Variants in ZNF780B observed in about 807,000 individuals in gnomAD.
The protein encoded by ZNF780B is zinc finger protein 779.
ZNF780B carries 52 observed loss-of-function variants against 74.1 expected under a neutral mutation model. That is an observed-to-expected ratio of 0.70 (90% CI 0.56 to 0.88). ZNF780B has a LOEUF of 0.88. Among genes scored for constraint, ZNF780B ranks in the 40% least tolerant of loss-of-function variants. The pLI, the probability that ZNF780B is intolerant of heterozygous loss-of-function variation, is 0.00. For synonymous variants in ZNF780B, 315 were observed against 324.3 expected, an observed-to-expected ratio of 0.97 and a Z score of 0.31; for missense variants, 953 against 1,007.6, an observed-to-expected ratio of 0.95 and a Z score of 0.73.
rs776575039 is a variant in ZNF780B at position 40,035,475 on chromosome 19, G to C, written c.1384C>G (p.Gln462Glu). The change falls in exon 5 of 5, where the codon CAA becomes GAA. Residue 462 changes from glutamine (Q) to glutamate (E), a missense_variant. Transcript: ENST00000434248. ...MAFRYHYQLI[Q>E]HCQIHTGGKP... is the part of the protein sequence containing the mutation. ...CCACCAGTATGAATTTGGCAATGTT[G>C]AATAAGTTGGTAATGATATCGAAAG... is the stretch of plus-strand genomic sequence containing the variant. 15 of 1,613,860 alleles carry C rather than the reference G, an allele frequency of 9.3e-6. No homozygotes were observed. In the African/African-American group the frequency reaches 9.4e-5, roughly 10 times the overall value.
intron 1 of ZNF780B, among the ~76,000 whole-genome samples, chr19:40,051,067 G>A (rs1456375937): frequency 6.6e-6 from 1 of 152,122 alleles, no homozygotes; most frequent in African/African-American, 2.4e-5. Flanking sequence ...AAGACTAATA[G>A]ACATCAATAC....
chr19:40,049,768 G>A (rs1973123464), intron 2 of ZNF780B, among the ~76,000 whole-genome samples: 1 of 152,324 alleles, frequency 6.6e-6, no homozygotes, highest in East Asian at 1.9e-4. Flanking sequence ...CAAGGACTGA[G>A]TTAAGCACAG....
At chr19:40,037,564 T>A (rs1972398813) in intron 4 of ZNF780B, among the ~76,000 whole-genome samples, 1 of 152,172 alleles carries the variant, frequency 6.6e-6, no homozygotes, top group Admixed American at 6.5e-5. Flanking sequence ...GTGGGAGCCA[T>A]CACACCCAGC....
rs1689673148 is a variant in ZNF780B, at chr19:40,031,709, C to T, written c.*2648G>A. On this transcript the variant is annotated 3_prime_UTR_variant, in exon 5 of 5. Coordinates refer to ENST00000434248, the MANE Select transcript of ZNF780B (RefSeq NM_001005851.3). ...GTTTTGTACTGAGTACAGTGTCAGC[C>T]ATATCACACAAGTTGAATTATGTTG... The T allele has an allele frequency of 1.9e-5, 4 of 214,428 alleles. No individual in the cohort carries two copies. The South Asian group carries it at 3.0e-4, about 16-fold the overall frequency. 13.3% of individuals were successfully genotyped at this position (214,428 alleles called of 1,614,324 possible).
In ZNF780B at chr19:40,035,553, G is replaced by T. The variant is rs763277889; in HGVS notation, c.1306C>A (p.Gln436Lys). Residue 436 changes from glutamine to lysine, a missense_variant, in exon 5 of 5, where the codon CAA (glutamine) becomes AAA (lysine). By Grantham distance (53) the Gln-to-Lys change is moderately conservative. Coordinates refer to ENST00000434248, the MANE Select transcript of ZNF780B (RefSeq NM_001005851.3). ...FNRGANLIQH[Q>K]KIHSNEKPFV... ...GGTTTCTCATTGGAATGAATTTTTTGATGCTGAATAAGATTTGCACCACGA... is the reference window on the plus strand; with the variant it reads ...GGTTTCTCATTGGAATGAATTTTTTTATGCTGAATAAGATTTGCACCACGA... 161 of 1,611,448 alleles carry T rather than the reference G, an allele frequency of 1.0e-4. No individual in the cohort carries two copies. The highest frequency in any genetic ancestry group is 1.3e-4 in the Non-Finnish European group (158 of 1,179,310).
intron 1 of ZNF780B, 27 bp from the exon 2 acceptor site, chr19:40,050,404 C>A: frequency 5.2e-6 from 8 of 1,552,048 alleles, no homozygotes; most frequent in Non-Finnish European, 7.0e-6. Flanking sequence ...ACAAAAAGGC[C>A]CTAAGTCAAG....
In ZNF780B at chr19:40,036,062, T is replaced by C; in HGVS notation, c.797A>G (p.Gln266Arg). 1 of 1,613,504 alleles carries C rather than the reference T, an allele frequency of 6.2e-7. No homozygotes were observed. The highest frequency in any genetic ancestry group is 8.5e-7 in the Non-Finnish European group (1 of 1,179,688). The change falls in exon 5 of 5, where the codon CAG becomes CGG. Residue 266 changes from glutamine (Q) to arginine (R), a missense_variant. Gln to Arg is a conservative substitution (Grantham distance 43, BLOSUM62 1). Coordinates refer to ENST00000434248, the MANE Select transcript of ZNF780B (RefSeq NM_001005851.3). ...TACACCAGCATGAATACTTTGATGC[T>C]GAGTAAGGTTTGAGCTACGATTAAA... ...KSFNRSSNLT[Q>R]HQSIHAGVKP...
chr19:40,042,428 C>T (rs1039362698), intron 4 of ZNF780B, among the ~76,000 whole-genome samples: 1 of 152,114 alleles, frequency 6.6e-6, no homozygotes, highest in African/African-American at 2.4e-5. Context: ...CTCTGTATTT[C>T]CTGAATCTGA....
At chr19:40,042,694 C>T (rs1390669768) in intron 4 of ZNF780B, among the ~76,000 whole-genome samples, 1 of 152,202 alleles carries the variant, frequency 6.6e-6, no homozygotes, top group African/African-American at 2.4e-5. Flanking sequence ...TTGATCGCAT[C>T]AGCTCCTGAG....
intron 4 of ZNF780B, among the ~76,000 whole-genome samples, chr19:40,037,900 A>G (rs1307334801): frequency 6.9e-6 from 1 of 144,952 alleles, no homozygotes; most frequent in African/African-American, 2.5e-5. Context: ...CTGTTTATAT[A>G]TATATATTTT....
intron 1 of ZNF780B, among the ~76,000 whole-genome samples, chr19:40,054,582 A>C (rs1196617516): frequency 6.6e-6 from 1 of 152,216 alleles, no homozygotes. Flanking sequence ...CTTACTATGC[A>C]AGCAGCAATC....
chr19:40,047,489 A>G lies in ZNF780B; in HGVS notation c.137-19T>C. ...GAACTTCCTGCTTAAAAGAAATAAC[A>G]CATGTAGAATTTTTTTAATATAAAA... On this transcript the variant is annotated intron_variant, in intron 3 of 4. Transcript: ENST00000434248. 1 of 1,555,452 alleles carries G rather than the reference A, an allele frequency of 6.4e-7. No homozygotes were observed. The highest frequency in any genetic ancestry group is 1.2e-5 in the South Asian group (1 of 81,290).
intron 4 of ZNF780B, among the ~76,000 whole-genome samples, chr19:40,038,906 T>C (rs1170347806): frequency 6.6e-6 from 1 of 151,438 alleles, no homozygotes. Flanking sequence ...GCAGAAGCTC[T>C]TTAGTTTAAT....
chr19:40,047,355 C>T lies in ZNF780B; in HGVS notation c.232+20G>A. Reference sequence around the variant, plus strand: ...CCGGGACAATGATGGCTTCCCCCTGCCTGCTTTACTCTCACTTACCTGGAT... The same window carrying T: ...CCGGGACAATGATGGCTTCCCCCTGTCTGCTTTACTCTCACTTACCTGGAT... On this transcript the variant is annotated intron_variant, in intron 4 of 4. Transcript: ENST00000434248. 6.3e-7 allele frequency: 1 copy of T among 1,592,772 alleles called. No individual in the cohort carries two copies. Among genetic ancestry groups the T allele is most frequent in the Non-Finnish European group, 8.6e-7 (1 of 1,160,972 alleles).
At chr19:40,047,594 A>T (rs1420204760) in intron 3 of ZNF780B, 124 bp from the exon 4 acceptor site, 1 of 571,196 alleles carries the variant, frequency 1.8e-6, no homozygotes, top group African/African-American at 1.9e-5. Flanking sequence ...ACTCCAGATA[A>T]GAGAGGATTG....
In ZNF780B at chr19:40,043,051, T is replaced by C. The variant is rs576230752; in HGVS notation, c.232+4324A>G. 7.8e-3 allele frequency among the ~76,000 whole-genome samples: 1,192 copies of C among 152,332 alleles called. 6 individuals carry two copies. The highest frequency in any genetic ancestry group is 0.012 in the Non-Finnish European group (793 of 68,030). ...TGTGGTTTTATCTACTTTTGGTCTT[T>C]GATGATGGTGACGTACAGATGGGTT... On this transcript the variant is annotated intron_variant, in intron 4 of 4. Coordinates refer to ENST00000434248, the MANE Select transcript of ZNF780B (RefSeq NM_001005851.3).
intron 4 of ZNF780B, among the ~76,000 whole-genome samples, chr19:40,039,502 C>A (rs1182488754): frequency 4.6e-5 from 7 of 151,728 alleles, no homozygotes; most frequent in African/African-American, 1.7e-4. Context: ...TTACCTTGGG[C>A]AGTATGGCCA....
chr19:40,036,843 G>C (rs1972352658), intron 4 of ZNF780B, among the ~76,000 whole-genome samples: 1 of 151,836 alleles, frequency 6.6e-6, no homozygotes, highest in South Asian at 2.1e-4. Flanking sequence ...AAACCATTTG[G>C]TAAGATTAAA....
chr19:40,036,250 T>C lies in ZNF780B; in HGVS notation c.609A>G (p.Gln203=), dbSNP rs1972304965. The change falls in exon 5 of 5, where the codon CAA becomes CAG. Residue 203 remains glutamine (Q), a synonymous_variant. Transcript: ENST00000434248. ...GATGTCGAGTAAGTTGTATGTGAAG[T>C]TGAAAGGCTTTCCCACATTCTTTGC... ...YKCKECGKAF[Q]LHIQLTRHQK... 6.2e-7 allele frequency: 1 copy of C among 1,611,904 alleles called. No homozygotes were observed. The highest frequency in any genetic ancestry group is 1.3e-5 in the African/African-American group (1 of 74,790).
Sources: gnomAD v4.1 joint callset for allele counts (sites outside exome capture counted in the v4.1 genomes callset) on GRCh38, gnomAD v4.1.1 for gene constraint, MANE v1.5 for transcripts, NCBI Gene and HGNC (gene_info 2026-07-23, HGNC 2026-07-21) for gene names.